Variants in ERICH2 observed in about 807,000 individuals in gnomAD.
The protein encoded by ERICH2 is glutamate rich 2, also known as glutamate-rich protein 2.
Under a neutral mutation model 17.4 loss-of-function variants are expected in ERICH2, and 17 were observed. The ratio of observed to expected loss-of-function variants is 0.98; its 90% CI spans 0.67 to 1.47. ERICH2 has a LOEUF of 1.47. Ranked by LOEUF, ERICH2 falls within the 40% of genes most tolerant of loss-of-function variation. The pLI is 0.00. For synonymous variants in ERICH2, 51 were observed against 61.1 expected (o/e 0.83, Z 0.77); for missense variants, 186 against 183.2 (o/e 1.01, Z -0.09).
chr2:170,772,214 A>C, the ERICH2 span, among the ~76,000 whole-genome samples: 1 of 152,174 alleles, frequency 6.6e-6, no homozygotes, highest in South Asian at 2.1e-4. Flanking sequence ...CGGTTGAGCC[A>C]CATCCTCAGT....
rs141715718 is a variant in ERICH2, at chr2:170,789,910, TA to T, written c.217-2951del. Among the ~76,000 whole-genome samples, 329 of 152,298 alleles carry T rather than the reference TA, an allele frequency of 2.2e-3. 15 individuals carry two copies. In the East Asian group the frequency reaches 0.048, roughly 22 times the overall value. ...ATGATATCTGTAAAGTGCTTTAAAA[TA>T]ATCCAGACAGAGGTGGGGAAAGAGT... On this transcript the variant is annotated intron_variant, in intron 2 of 4. Coordinates refer to ENST00000409885, the Ensembl canonical transcript of ERICH2.
upstream of ERICH2, among the ~76,000 whole-genome samples, chr2:170,782,566 T>C (rs970349407): frequency 6.6e-6 from 1 of 152,192 alleles, no homozygotes; most frequent in African/African-American, 2.4e-5. Context: ...GATCCATGGA[T>C]ATGCATTACA....
chr2:170,781,631 T>TA (rs59729388), upstream of ERICH2, among the ~76,000 whole-genome samples: 3,144 of 127,086 alleles, frequency 0.025, 102 homozygotes, highest in Admixed American at 0.11. Context: ...AGACTTGGTC[T>TA]AAAAAAAAAA....
At chr2:170,781,052 G>C (rs1219742080), upstream of ERICH2, among the ~76,000 whole-genome samples, 2 of 152,116 alleles carry the variant, frequency 1.3e-5, no homozygotes, top group African/African-American at 2.4e-5. Flanking sequence ...TCCAGAGAAG[G>C]GTTTTGCTTT....
At chr2:170,781,917 G>C (rs936880986), upstream of ERICH2, among the ~76,000 whole-genome samples, 2 of 152,092 alleles carry the variant, frequency 1.3e-5, no homozygotes, top group African/African-American at 4.8e-5. Flanking sequence ...AAAACTCAAG[G>C]CTAATTTTCT....
chr2:170,792,961 G>A, intron 3 of ERICH2, 41 bp downstream of exon 8: 1 of 1,249,390 alleles, frequency 8.0e-7, no homozygotes, highest in Non-Finnish European at 1.1e-6. Flanking sequence ...TCTTCTCTTT[G>A]TTTTCAAAAA....
chr2:170,780,711 A>G (rs1181003263), upstream of ERICH2, among the ~76,000 whole-genome samples: 2 of 152,088 alleles, frequency 1.3e-5, no homozygotes, highest in Non-Finnish European at 2.9e-5. Context: ...TTGGCAATAT[A>G]TTTTTCTTTT....
At chr2:170,786,851 C>T (rs1701170976) in intron 2 of ERICH2, among the ~76,000 whole-genome samples, 2 of 151,906 alleles carry the variant, frequency 1.3e-5, no homozygotes, top group Admixed American at 6.6e-5. Context: ...ATTTTTTATA[C>T]CTATTATTTC....
At chr2:170,777,851 C>G in the ERICH2 span, 1 of 403,646 alleles carries the variant, frequency 2.5e-6, no homozygotes, top group Non-Finnish European at 4.3e-6. Flanking sequence ...GATAGAAGGA[C>G]AGTTAAAATG....
At chr2:170,788,230 G>A (rs773417865) in intron 2 of ERICH2, among the ~76,000 whole-genome samples, 11 of 152,104 alleles carry the variant, frequency 7.2e-5, no homozygotes, top group Non-Finnish European at 1.3e-4. Context: ...GTCTTCTTTT[G>A]ACTAGACACC....
exon 4 of ERICH2, chr2:170,798,043 C>T: frequency 3.9e-6 from 6 of 1,545,522 alleles, no homozygotes; most frequent in Non-Finnish European, 5.3e-6. Context: ...ATTTTCAGTC[C>T]TAATCTATGA....
chr2:170,797,778 C>A (rs1348959405), intron 3 of ERICH2, among the ~76,000 whole-genome samples: 4 of 142,010 alleles, frequency 2.8e-5, no homozygotes, highest in Admixed American at 1.5e-4. Context: ...GGTAACAGAG[C>A]GACACCCTGT....
chr2:170,773,369 A>G, the ERICH2 span, among the ~76,000 whole-genome samples: 1 of 152,208 alleles, frequency 6.6e-6, no homozygotes, highest in Admixed American at 6.5e-5. Flanking sequence ...TCTCACTGTT[A>G]TAATCTTTGC....
chr2:170,780,453 T>C (rs1701001155), upstream of ERICH2, among the ~76,000 whole-genome samples: 1 of 152,226 alleles, frequency 6.6e-6, no homozygotes, highest in Admixed American at 6.5e-5. Context: ...TTCTGGCATG[T>C]TCACTGCTTC....
At chr2:170,787,518 C>T (rs1701185080) in intron 2 of ERICH2, among the ~76,000 whole-genome samples, 1 of 152,244 alleles carries the variant, frequency 6.6e-6, no homozygotes, top group Non-Finnish European at 1.5e-5. Context: ...GAGCTGCTCT[C>T]AACCCTGTCT....
chr2:170,790,681 G>A (rs1701269246), intron 2 of ERICH2, among the ~76,000 whole-genome samples: 2 of 148,562 alleles, frequency 1.3e-5, no homozygotes, highest in African/African-American at 5.0e-5. Flanking sequence ...GTGCATGCCT[G>A]TAATCCCAGC....
the ERICH2 span, chr2:170,777,290 A>G: frequency 7.0e-5 from 23 of 326,668 alleles, no homozygotes; most frequent in Non-Finnish European, 9.4e-5. Flanking sequence ...GCTAGTAGAA[A>G]TGTTTACATA....
At chr2:170,794,001 T>C (rs1418294970) in intron 3 of ERICH2, among the ~76,000 whole-genome samples, 1 of 152,080 alleles carries the variant, frequency 6.6e-6, no homozygotes, top group Non-Finnish European at 1.5e-5. Flanking sequence ...TAGACTTTTT[T>C]TTCATGATGT....
chr2:170,773,279 C>G, the ERICH2 span, among the ~76,000 whole-genome samples: 1 of 152,196 alleles, frequency 6.6e-6, no homozygotes, highest in African/African-American at 2.4e-5. Flanking sequence ...TAGCCTATAC[C>G]TAGGAAAGAA....
Sources: allele counts gnomAD v4.1 joint callset (sites outside exome capture counted in the v4.1 genomes callset), GRCh38; gene constraint gnomAD v4.1.1; transcripts MANE v1.5; gene names NCBI Gene and HGNC (gene_info 2026-07-23, HGNC 2026-07-21).